TAFA2: variants seen among roughly 807,000 people sequenced by gnomAD.
TAFA2 encodes the protein chemokine-like protein TAFA-2.
TAFA2 carries 7 observed loss-of-function variants against 18.8 expected under a neutral mutation model. That is an observed-to-expected ratio of 0.37 (90% CI 0.21 to 0.70). The LOEUF is 0.70. Among genes scored for constraint, TAFA2 ranks in the 30% least tolerant of loss-of-function variants. The pLI is 0.53. For synonymous variants in TAFA2, 60 were observed against 54.2 expected (o/e 1.11, Z -0.47); for missense variants, 122 against 158.1 (o/e 0.77, Z 1.23).
chr12:61,723,452 T>C (rs935976940), intron 4 of TAFA2, among the ~76,000 whole-genome samples: 2 of 152,122 alleles, frequency 1.3e-5, no homozygotes, highest in Admixed American at 1.3e-4. Context: ...GAAGGAAAGC[T>C]AGAATCGATA....
At chr12:62,196,277 A>G (rs946695882), upstream of TAFA2, among the ~76,000 whole-genome samples, 2 of 152,204 alleles carry the variant, frequency 1.3e-5, no homozygotes, top group African/African-American at 2.4e-5. Context: ...AGCTTTCTCT[A>G]TGTCAGCAAT....
chr12:61,956,243 G>A (rs1257892868), intron 1 of TAFA2, among the ~76,000 whole-genome samples: 1 of 151,946 alleles, frequency 6.6e-6, no homozygotes, highest in East Asian at 1.9e-4. Context: ...CTTTATACAT[G>A]CTGATTTTCA....
At chr12:62,212,982 T>G (rs1402403704) in intron 1 of TAFA2, among the ~76,000 whole-genome samples, 1 of 152,206 alleles carries the variant, frequency 6.6e-6, no homozygotes, top group African/African-American at 2.4e-5. Context: ...CTATCTGAAG[T>G]CTTTGCTTCA....
chr12:61,990,033 C>A (rs751850304), intron 1 of TAFA2, among the ~76,000 whole-genome samples: 3 of 152,158 alleles, frequency 2.0e-5, no homozygotes, highest in Non-Finnish European at 4.4e-5. Context: ...TGTGGCATCA[C>A]TACAACTCCC....
At chr12:62,205,143 G>C (rs2062686605) in intron 1 of TAFA2, among the ~76,000 whole-genome samples, 1 of 152,214 alleles carries the variant, frequency 6.6e-6, no homozygotes, top group South Asian at 2.1e-4. Context: ...GGTCCCTCCT[G>C]CACCTGTAGG....
At chr12:61,880,728 G>A (rs1316968789) in intron 1 of TAFA2, 4 of 373,572 alleles carry the variant, frequency 1.1e-5, no homozygotes, top group Admixed American at 6.0e-5. Context: ...CGAGACCCGC[G>A]ATGGGAAGCT....
chr12:62,019,787 T>G (rs954673436), intron 1 of TAFA2, among the ~76,000 whole-genome samples: 3 of 151,830 alleles, frequency 2.0e-5, no homozygotes, highest in Non-Finnish European at 4.4e-5. Context: ...ACCTGCACGT[T>G]GTGCACATGT....
intron 2 of TAFA2, among the ~76,000 whole-genome samples, chr12:61,766,635 C>T (rs938568885): frequency 2.2e-4 from 34 of 152,196 alleles, no homozygotes; most frequent in African/African-American, 7.9e-4. Context: ...TGGACCAAAT[C>T]TATGGCTTTT....
intron 4 of TAFA2, among the ~76,000 whole-genome samples, chr12:61,747,957 G>T (rs936729645): frequency 1.7e-4 from 26 of 152,128 alleles, no homozygotes; most frequent in Admixed American, 3.9e-4. Context: ...AAGTTGTTTT[G>T]AAAGCTCTTC....
At chr12:61,852,698 C>T (rs1873724878) in intron 2 of TAFA2, among the ~76,000 whole-genome samples, 1 of 152,098 alleles carries the variant, frequency 6.6e-6, no homozygotes, top group African/African-American at 2.4e-5. Flanking sequence ...AATTTATATT[C>T]TGAGAGCAGG....
rs934517839 is a variant in TAFA2, at chr12:62,155,435, G to GA, written c.-2+35823dup. 1.7e-4 allele frequency among the ~76,000 whole-genome samples: 25 copies of GA among 151,018 alleles called. No individual in the cohort carries two copies. The East Asian group carries it at 2.1e-3, about 13-fold the overall frequency. ...AACACCATCATTCTTCACAGAATTGGAAAAAAAAATTCTAAAATTCATATA... is the reference window on the plus strand; with the variant it reads ...AACACCATCATTCTTCACAGAATTGGAAAAAAAAAATTCTAAAATTCATATA... On this transcript the variant is annotated intron_variant, in intron 1 of 4. Transcript: ENST00000416284.
intron 1 of TAFA2, among the ~76,000 whole-genome samples, chr12:62,204,491 A>C (rs561502079): frequency 6.6e-6 from 1 of 150,442 alleles, no homozygotes. Context: ...GTCTTTTTAC[A>C]TAAGCCCATA....
At chr12:61,710,471 A>G (rs1869347833) in intron 4 of TAFA2, 54 bp from the exon 5 acceptor site, 1 of 1,418,708 alleles carries the variant, frequency 7.0e-7, no homozygotes, top group African/African-American at 1.4e-5. Context: ...CGATAATCTT[A>G]AAACTAAACA....
intron 1 of TAFA2, among the ~76,000 whole-genome samples, chr12:62,059,509 TG>T (rs1882288557): frequency 6.6e-6 from 1 of 150,576 alleles, no homozygotes; most frequent in African/African-American, 2.5e-5. Flanking sequence ...AAGTAAAGTG[TG>T]GTAAGAGATA....
chr12:61,915,283 C>T (rs541192394), intron 1 of TAFA2, among the ~76,000 whole-genome samples: 132 of 152,320 alleles, frequency 8.7e-4, no homozygotes, highest in Non-Finnish European at 1.6e-3. Context: ...CACAAAAATA[C>T]GTAATCCATA....
At chr12:62,189,062 T>C (rs1395243879) in intron 1 of TAFA2, among the ~76,000 whole-genome samples, 1 of 152,202 alleles carries the variant, frequency 6.6e-6, no homozygotes, top group Non-Finnish European at 1.5e-5. Context: ...TATAGGCATT[T>C]GCTTTAATGT....
chr12:61,887,811 C>G (rs1326893761), intron 1 of TAFA2, among the ~76,000 whole-genome samples: 1 of 151,364 alleles, frequency 6.6e-6, no homozygotes, highest in Non-Finnish European at 1.5e-5. Flanking sequence ...ATATGTGCCA[C>G]ATTTTCTTAA....
chr12:62,234,739 C>T, intron 1 of TAFA2: 1 of 1,108,260 alleles, frequency 9.0e-7, no homozygotes, highest in Non-Finnish European at 1.4e-6. Context: ...CCAGTCCTTT[C>T]CTGAGGCCTG....
intron 2 of TAFA2, among the ~76,000 whole-genome samples, chr12:61,793,101 C>A (rs1871050143): frequency 6.6e-6 from 1 of 151,382 alleles, no homozygotes; most frequent in Admixed American, 6.6e-5. Context: ...TAAAACTAAT[C>A]AAATGTGAGG....
Sources: gnomAD v4.1 joint callset for allele counts (sites outside exome capture counted in the v4.1 genomes callset) on GRCh38, gnomAD v4.1.1 for gene constraint, MANE v1.5 for transcripts, NCBI Gene and HGNC (gene_info 2026-07-23, HGNC 2026-07-21) for gene names.